Variants in ADAMTS6 observed in about 807,000 individuals in gnomAD.
ADAMTS6 encodes the protein ADAM metallopeptidase with thrombospondin type 1 motif 6.
A neutral mutation model predicts 144.3 loss-of-function variants in ADAMTS6; 23 were observed. That is an observed-to-expected ratio of 0.16 (90% CI 0.11 to 0.23). ADAMTS6 has a LOEUF of 0.23. Among genes scored for constraint, ADAMTS6 ranks in the 10% least tolerant of loss-of-function variants. The pLI is 1.00. For missense variants in ADAMTS6, 999 were observed against 1,379.6 expected (o/e 0.72, Z 4.37); for synonymous variants, 444 against 457.5 (o/e 0.97, Z 0.38).
intron 22 of ADAMTS6, among the ~76,000 whole-genome samples, chr5:65,173,791 G>A (rs373119593): frequency 1.4e-3 from 212 of 152,196 alleles, no homozygotes; most frequent in African/African-American, 4.8e-3. Context: ...TTGGGAGGCC[G>A]AGGTGGGCAG....
chr5:65,160,653 A>ATTTTTT lies in ADAMTS6; in HGVS notation c.3245-8714_3245-8709dup, dbSNP rs10644572. ...TTGCTAAAAGGCATTTCTTTCCTCC[A>ATTTTTT]TTTTTTTTTTTTTTTTGAGACAGAG... On this transcript the variant is annotated intron_variant, in intron 24 of 24. Transcript: ENST00000381055. 5.6e-5 allele frequency among the ~76,000 whole-genome samples: 7 copies of ATTTTTT among 126,040 alleles called. 1 individual carries two copies. The highest frequency in any genetic ancestry group is 8.1e-5 in the Non-Finnish European group (5 of 61,736). The allele number at this position is 126,040 out of a possible 152,430, so 82.7% of individuals were successfully genotyped here.
chr5:65,359,948 T>C (rs1749675936), intron 7 of ADAMTS6, among the ~76,000 whole-genome samples: 1 of 152,206 alleles, frequency 6.6e-6, no homozygotes. Context: ...CTATAGCTGA[T>C]AATAATGTAT....
intron 14 of ADAMTS6, among the ~76,000 whole-genome samples, chr5:65,252,944 T>C (rs1156417950): frequency 6.6e-6 from 1 of 152,056 alleles, no homozygotes; most frequent in Non-Finnish European, 1.5e-5. Context: ...GGCTGGAGGG[T>C]AGTGAGCCTC....
At chr5:65,413,239 T>C (rs535880049) in intron 7 of ADAMTS6, among the ~76,000 whole-genome samples, 22 of 152,272 alleles carry the variant, frequency 1.4e-4, no homozygotes, top group African/African-American at 4.1e-4. Context: ...GTGGTAAGCC[T>C]ATGCTTTTCT....
intron 3 of ADAMTS6, among the ~76,000 whole-genome samples, chr5:65,468,848 C>T (rs927345499): frequency 3.9e-5 from 6 of 152,206 alleles, no homozygotes; most frequent in African/African-American, 1.4e-4. Context: ...TTACTCGTTT[C>T]CAGAATTGAA....
At chr5:65,420,397 T>A (rs1755921958) in intron 7 of ADAMTS6, among the ~76,000 whole-genome samples, 2 of 152,222 alleles carry the variant, frequency 1.3e-5, no homozygotes, top group Admixed American at 1.3e-4. Context: ...AATTTTTTTT[T>A]TCAGACGGAG....
intron 7 of ADAMTS6, among the ~76,000 whole-genome samples, chr5:65,404,843 G>A (rs2150170938): frequency 6.6e-6 from 1 of 152,286 alleles, no homozygotes; most frequent in Non-Finnish European, 1.5e-5. Flanking sequence ...CATTCTAACT[G>A]GTGTGAGATG....
chr5:65,339,668 A>G (rs1747636643), intron 7 of ADAMTS6, among the ~76,000 whole-genome samples: 1 of 152,002 alleles, frequency 6.6e-6, no homozygotes, highest in South Asian at 2.1e-4. Context: ...AATAAAAAAT[A>G]GAAGAAAAGA....
intron 22 of ADAMTS6, among the ~76,000 whole-genome samples, chr5:65,179,661 TA>T (rs1754213546): frequency 6.6e-6 from 1 of 150,872 alleles, no homozygotes; most frequent in Non-Finnish European, 1.5e-5. Flanking sequence ...GGATAAAAAA[TA>T]AAAAGAATCC....
intron 9 of ADAMTS6, among the ~76,000 whole-genome samples, chr5:65,318,522 A>G (rs1046340181): frequency 6.6e-6 from 1 of 152,200 alleles, no homozygotes; most frequent in East Asian, 1.9e-4. Context: ...TCTGGTACAT[A>G]TACATAACAG....
intron 13 of ADAMTS6, among the ~76,000 whole-genome samples, chr5:65,262,445 A>T (rs992100253): frequency 7.2e-5 from 11 of 152,204 alleles, no homozygotes; most frequent in African/African-American, 2.7e-4. Context: ...TTTATGTGAC[A>T]TGTGAAAAGA....
chr5:65,351,989 T>C (rs1403850780), intron 7 of ADAMTS6, among the ~76,000 whole-genome samples: 7 of 152,158 alleles, frequency 4.6e-5, no homozygotes, highest in Non-Finnish European at 1.0e-4. Context: ...ATAGCATACA[T>C]AGTTCAGAAG....
chr5:65,300,198 C>T (rs1743221338), intron 9 of ADAMTS6, 67 bp from the exon 10 acceptor site: 4 of 1,471,494 alleles, frequency 2.7e-6, no homozygotes, highest in Non-Finnish European at 3.7e-6. Context: ...TCCCTTATTT[C>T]CTTATTTGGC....
chr5:65,245,784 A>C (rs1335571126), intron 14 of ADAMTS6, among the ~76,000 whole-genome samples: 1 of 152,194 alleles, frequency 6.6e-6, no homozygotes, highest in East Asian at 1.9e-4. Context: ...TCAACTGTGC[A>C]TTATAGTGTG....
chr5:65,199,103 G>A (rs764797399), intron 20 of ADAMTS6, among the ~76,000 whole-genome samples: 2 of 151,808 alleles, frequency 1.3e-5, no homozygotes, highest in Non-Finnish European at 2.9e-5. Context: ...GACAGCAGGG[G>A]ATTTTTTTTT....
At chr5:65,375,646 C>T (rs1751457791) in intron 7 of ADAMTS6, among the ~76,000 whole-genome samples, 1 of 152,020 alleles carries the variant, frequency 6.6e-6, no homozygotes, top group Admixed American at 6.6e-5. Flanking sequence ...AATAGGAACA[C>T]TTTTACACTG....
chr5:65,410,901 A>T (rs1754993011), intron 7 of ADAMTS6, among the ~76,000 whole-genome samples: 1 of 152,172 alleles, frequency 6.6e-6, no homozygotes, highest in Non-Finnish European at 1.5e-5. Flanking sequence ...GCAGTGGTGC[A>T]ATCATAGCTC....
intron 7 of ADAMTS6, among the ~76,000 whole-genome samples, chr5:65,428,976 G>T (rs1756775596): frequency 1.3e-5 from 2 of 152,138 alleles, no homozygotes; most frequent in African/African-American, 4.8e-5. Context: ...CCAAAATACA[G>T]TACCTAGGCA....
intron 1 of ADAMTS6, among the ~76,000 whole-genome samples, chr5:65,478,486 T>C (rs77790175): frequency 7.6e-4 from 116 of 152,340 alleles, no homozygotes; most frequent in African/African-American, 2.6e-3. Context: ...TATAAAACCA[T>C]GATATTGATG....
Sources: gnomAD v4.1 joint callset for allele counts (sites outside exome capture counted in the v4.1 genomes callset) on GRCh38, gnomAD v4.1.1 for gene constraint, MANE v1.5 for transcripts, NCBI Gene and HGNC (gene_info 2026-07-23, HGNC 2026-07-21) for gene names.